Variants in ANO3 observed in about 807,000 individuals in gnomAD.
ANO3 encodes the protein anoctamin 3.
A neutral mutation model predicts 144.8 loss-of-function variants in ANO3; 99 were observed. That is an observed-to-expected ratio of 0.68 (90% CI 0.58 to 0.81). ANO3 has a LOEUF of 0.81. ANO3 is among the 30% of genes least tolerant of loss of function. The pLI, the probability that ANO3 is intolerant of heterozygous loss-of-function variation, is 0.00. For missense variants in ANO3, 905 were observed against 1,202.2 expected, an observed-to-expected ratio of 0.75 and a Z score of 3.66; for synonymous variants, 414 against 392.6, an observed-to-expected ratio of 1.05 and a Z score of -0.64.
At chr11:26,367,248 C>G (rs1856118751) in intron 1 of ANO3, among the ~76,000 whole-genome samples, 1 of 152,218 alleles carries the variant, frequency 6.6e-6, no homozygotes, top group Non-Finnish European at 1.5e-5. Flanking sequence ...ATTTTCCAAA[C>G]TTTTATGGGC....
chr11:26,605,081 T>A (rs1417475445), intron 17 of ANO3, among the ~76,000 whole-genome samples: 1 of 152,186 alleles, frequency 6.6e-6, no homozygotes, highest in East Asian at 1.9e-4. Flanking sequence ...TATTTTGAGA[T>A]ATGTTCCATC....
rs1405405611 is a variant in ANO3 at position 26,531,324 on chromosome 11, C to G, written c.857C>G (p.Ala286Gly). 15 of 1,608,056 alleles carry G rather than the reference C, an allele frequency of 9.3e-6. No homozygotes were observed. Among genetic ancestry groups the G allele is most frequent in the South Asian group, 3.3e-5 (3 of 90,156 alleles). Residue 286 changes from alanine (A) to glycine (G), a missense_variant, in exon 8 of 27, where the codon GCA (alanine) becomes GGA (glycine). Physicochemically the swap from Ala to Gly is moderately conservative, Grantham distance 60. This residue lies in a region of ANO3 where 597 missense variants were observed against 865.1 expected (regional missense o/e 0.69). Coordinates refer to ENST00000256737, the MANE Select transcript of ANO3 (RefSeq NM_031418.4). ...TGCTATACTGGCCCCTTCAGCCGTGCACGGATTCACCAGTGAGTTCCCCTC... is the reference window on the plus strand; with the variant it reads ...TGCTATACTGGCCCCTTCAGCCGTGGACGGATTCACCAGTGAGTTCCCCTC... ...SDCYTGPFSR[A>G]RIHHFIINNK...
chr11:26,367,626 T>C (rs867813129), intron 1 of ANO3, among the ~76,000 whole-genome samples: 10 of 152,190 alleles, frequency 6.6e-5, no homozygotes, highest in Non-Finnish European at 4.4e-5. Context: ...AATTTCTGTG[T>C]CAGGTTGTTC....
chr11:26,230,304 A>G lies in ANO3; in HGVS notation c.154+40974A>G, dbSNP rs115194396. On this transcript the variant is annotated intron_variant, in intron 1 of 27. Coordinates refer to the ANO3 transcript ENST00000672621. Reference sequence around the variant, plus strand: ...AAGGACTAGGGGTAAAGGAACTTCAATGGAGAGCACTTGTCAACAAGAACA... The same window carrying G: ...AAGGACTAGGGGTAAAGGAACTTCAGTGGAGAGCACTTGTCAACAAGAACA... Among the ~76,000 whole-genome samples the G allele has an allele frequency of 3.7e-3, 564 of 152,284 alleles. 1 individual carries two copies. The highest frequency in any genetic ancestry group is 0.013 in the African/African-American group (538 of 41,548).
At chr11:26,530,100 A>G (rs1235924731) in intron 7 of ANO3, among the ~76,000 whole-genome samples, 4 of 152,188 alleles carry the variant, frequency 2.6e-5, no homozygotes, top group Non-Finnish European at 5.9e-5. Flanking sequence ...GCCCGTGAGA[A>G]TCTTAAAAGT....
chr11:26,470,475 T>C (rs1859741576), intron 4 of ANO3, among the ~76,000 whole-genome samples: 1 of 150,118 alleles, frequency 6.7e-6, no homozygotes, highest in African/African-American at 2.4e-5. Flanking sequence ...TGTTTAAGAA[T>C]GTTTCTCACA....
intron 17 of ANO3, among the ~76,000 whole-genome samples, chr11:26,604,728 A>G (rs186839858): frequency 5.9e-4 from 89 of 151,814 alleles, no homozygotes; most frequent in African/African-American, 2.1e-3. Context: ...TATTGATGGT[A>G]TGTATAGGAA....
At chr11:26,590,707 A>G (rs959458489) in intron 14 of ANO3, among the ~76,000 whole-genome samples, 4 of 152,226 alleles carry the variant, frequency 2.6e-5, no homozygotes, top group African/African-American at 9.6e-5. Context: ...AACAATGACA[A>G]GCCTCTAGCT....
intron 17 of ANO3, 102 bp from the exon 18 acceptor site, chr11:26,624,360 C>A: frequency 4.1e-6 from 3 of 740,274 alleles, no homozygotes; most frequent in South Asian, 4.2e-5. Flanking sequence ...AAAATGTAAC[C>A]ACTGTATAAC....
chr11:26,313,871 T>TAATATAATATAATATAATATAATATAA (rs538408484), intron 1 of ANO3, among the ~76,000 whole-genome samples: 1 of 147,524 alleles, frequency 6.8e-6, no homozygotes, highest in African/African-American at 2.5e-5. Context: ...AAATTAAATA[T>TAATATAATATAATATAATATAATATAA]TATAATATAA....
chr11:26,615,499 C>T (rs1852232897), intron 17 of ANO3, among the ~76,000 whole-genome samples: 1 of 151,148 alleles, frequency 6.6e-6, no homozygotes, highest in Non-Finnish European at 1.5e-5. Flanking sequence ...CCTACTTGAC[C>T]TGTGTAACGC....
intron 1 of ANO3, among the ~76,000 whole-genome samples, chr11:26,237,018 C>T (rs1852547046): frequency 6.6e-6 from 1 of 152,066 alleles, no homozygotes; most frequent in Non-Finnish European, 1.5e-5. Flanking sequence ...AGTGACTCCT[C>T]TGCCCCTCCT....
chr11:26,283,603 G>A (rs1853734596), intron 1 of ANO3, among the ~76,000 whole-genome samples: 1 of 151,968 alleles, frequency 6.6e-6, no homozygotes, highest in Non-Finnish European at 1.5e-5. Flanking sequence ...TTATCACTTA[G>A]TGAGATTTCT....
intron 1 of ANO3, among the ~76,000 whole-genome samples, chr11:26,399,609 A>G (rs1857097969): frequency 6.6e-6 from 1 of 151,708 alleles, no homozygotes; most frequent in Admixed American, 6.6e-5. Flanking sequence ...ATTATTTACC[A>G]GCAGTTTTAC....
chr11:26,654,896 C>A (rs746794781), intron 24 of ANO3, among the ~76,000 whole-genome samples: 10 of 151,996 alleles, frequency 6.6e-5, no homozygotes, highest in African/African-American at 2.4e-4. Context: ...TTCCACTGAG[C>A]GATTTTATAT....
intron 1 of ANO3, among the ~76,000 whole-genome samples, chr11:26,236,502 A>G (rs1852525156): frequency 6.6e-6 from 1 of 152,050 alleles, no homozygotes; most frequent in Non-Finnish European, 1.5e-5. Context: ...GTGAGATTTG[A>G]TGGTATGAAA....
intron 14 of ANO3, among the ~76,000 whole-genome samples, chr11:26,587,474 T>A (rs1298893485): frequency 6.6e-6 from 1 of 152,212 alleles, no homozygotes; most frequent in East Asian, 1.9e-4. Flanking sequence ...GCAACTGTTC[T>A]AGAGAACTGT....
chr11:26,537,600 A>C (rs1475257787), intron 10 of ANO3, 139 bp downstream of exon 10: 1 of 749,226 alleles, frequency 1.3e-6, no homozygotes, highest in Non-Finnish European at 2.3e-6. Flanking sequence ...CTGTCTCCCC[A>C]TTGTAATTTT....
chr11:26,258,447 TA>T (rs1158033404), intron 1 of ANO3, among the ~76,000 whole-genome samples: 1 of 152,114 alleles, frequency 6.6e-6, no homozygotes, highest in African/African-American at 2.4e-5. Context: ...TACTTACAAA[TA>T]AAAAAGTTCA....
Sources: gnomAD v4.1 joint callset for allele counts (sites outside exome capture counted in the v4.1 genomes callset) on GRCh38, gnomAD v4.1.1 for gene constraint, gnomAD v4.1.1 regional missense constraint, MANE v1.5 for transcripts, NCBI Gene and HGNC (gene_info 2026-07-23, HGNC 2026-07-21) for gene names.